METTL8: variants seen among roughly 807,000 people sequenced by gnomAD.
The protein encoded by METTL8 is methyltransferase 8, tRNA N3-cytidine, also known as tRNA N(3)-cytidine methyltransferase METTL8, mitochondrial.
In METTL8, 32 loss-of-function variants were observed where a neutral mutation model predicts 48.7. The ratio of observed to expected loss-of-function variants is 0.66; its 90% CI spans 0.50 to 0.88. The LOEUF is 0.88. METTL8 is among the 40% of genes least tolerant of loss of function. METTL8 has a pLI of 0.00. For synonymous variants in METTL8, 136 were observed against 157.1 expected (o/e 0.87, Z 1.01); for missense variants, 464 against 474.4 (o/e 0.98, Z 0.20).
At chr2:171,414,672 G>A (rs1454150083) in intron 1 of METTL8, 2 of 151,352 alleles carry the variant, frequency 1.3e-5, no homozygotes, top group Non-Finnish European at 2.9e-5. Flanking sequence ...AAACTGCAGT[G>A]AGCCATAATT....
intron 1 of METTL8, among the ~76,000 whole-genome samples, chr2:171,397,311 A>T (rs1165195436): frequency 7.6e-6 from 1 of 131,728 alleles, no homozygotes; most frequent in African/African-American, 2.7e-5. Context: ...TGAGGCCAAG[A>T]CTTTGAGACT....
At chr2:171,326,240 G>C (rs886410776) in intron 7 of METTL8, 92 bp from the exon 8 acceptor site, 14 of 655,226 alleles carry the variant, frequency 2.1e-5, no homozygotes, top group African/African-American at 3.8e-5. Context: ...AATAAGAAAA[G>C]CTTGATAAGG....
chr2:171,344,529 C>G (rs1177238615), intron 3 of METTL8, among the ~76,000 whole-genome samples: 1 of 152,144 alleles, frequency 6.6e-6, no homozygotes, highest in Non-Finnish European at 1.5e-5. Context: ...AAAAATAATG[C>G]TGATTGGAGT....
chr2:171,351,544 T>TAC (rs1032497545), intron 3 of METTL8, among the ~76,000 whole-genome samples: 3 of 152,226 alleles, frequency 2.0e-5, no homozygotes, highest in Non-Finnish European at 2.9e-5. Context: ...ATCTATAAAT[T>TAC]ACCTTGGGCA....
At chr2:171,418,945 A>C (rs1359874411) in intron 1 of METTL8, among the ~76,000 whole-genome samples, 1 of 151,874 alleles carries the variant, frequency 6.6e-6, no homozygotes, top group African/African-American at 2.4e-5. Flanking sequence ...ACTATACTCC[A>C]GTATAAGTAT....
At chr2:171,380,333 T>G (rs1687388323) in intron 2 of METTL8, among the ~76,000 whole-genome samples, 1 of 152,168 alleles carries the variant, frequency 6.6e-6, no homozygotes, top group Non-Finnish European at 1.5e-5. Context: ...CTTTGAAAAC[T>G]GGCATAAGAC....
intron 6 of METTL8, among the ~76,000 whole-genome samples, 165 bp from the exon 7 acceptor site, chr2:171,330,863 C>T (rs1467012248): frequency 6.6e-6 from 1 of 151,980 alleles, no homozygotes; most frequent in African/African-American, 2.4e-5. Flanking sequence ...TTATTTCAAG[C>T]TGCCCTAAAA....
intron 1 of METTL8, among the ~76,000 whole-genome samples, chr2:171,405,190 A>G (rs547484611): frequency 2.6e-5 from 4 of 152,200 alleles, no homozygotes; most frequent in Admixed American, 1.3e-4. Context: ...GATAGCCCCA[A>G]TAGGTACTTA....
At chr2:171,418,145 G>C (rs1275208351) in intron 1 of METTL8, among the ~76,000 whole-genome samples, 2 of 152,072 alleles carry the variant, frequency 1.3e-5, no homozygotes, top group East Asian at 3.9e-4. Context: ...GGGTGTCACT[G>C]TGTTAGCCAG....
rs766708496 is a variant in METTL8 at position 171,339,461 on chromosome 2, T to C, written c.329A>G (p.Glu110Gly). The C allele has an allele frequency of 1.9e-6, 3 of 1,613,666 alleles. No homozygotes were observed. In the South Asian group the frequency reaches 3.3e-5, roughly 18 times the overall value. The change falls in exon 4 of 10, where the codon GAA (glutamate) becomes GGA (glycine). Residue 110 changes from glutamate (E) to glycine (G), a missense_variant. Physicochemically the swap from Glu to Gly is moderately conservative, Grantham distance 98 (BLOSUM62 -2). Coordinates refer to ENST00000375258, the MANE Select transcript of METTL8 (RefSeq NM_001321154.2). The part of the protein sequence containing the change: ...FFKDRNWLLR[E>G]FPEILPVDQK... ...ATCAACTGGAAGAATTTCAGGAAAT[T>C]CCCTCAACAGCCAATTACGATCCTT...
At chr2:171,391,903 C>CT in intron 2 of METTL8, 140 bp downstream of exon 2, 1 of 751,424 alleles carries the variant, frequency 1.3e-6, no homozygotes. Context: ...AAGTCAGGAT[C>CT]GGTTACCCTA....
chr2:171,390,793 CTG>C (rs984031056), intron 2 of METTL8, among the ~76,000 whole-genome samples: 1 of 152,148 alleles, frequency 6.6e-6, no homozygotes, highest in African/African-American at 2.4e-5. Context: ...AGTGTGAACA[CTG>C]TGGAAATCAC....
chr2:171,420,337 TAG>T (rs1308715228), intron 1 of METTL8, among the ~76,000 whole-genome samples: 3 of 152,110 alleles, frequency 2.0e-5, no homozygotes, highest in African/African-American at 7.2e-5. Flanking sequence ...GTCTTTTCAG[TAG>T]AGAGTGGCAT....
At chr2:171,418,392 T>C (rs1265793428) in intron 1 of METTL8, among the ~76,000 whole-genome samples, 2 of 152,184 alleles carry the variant, frequency 1.3e-5, no homozygotes, top group African/African-American at 4.8e-5. Context: ...TTACATAGTG[T>C]ACTCTTTGGA....
upstream of METTL8, chr2:171,434,345 T>C (rs1313776217): frequency 2.7e-6 from 2 of 739,104 alleles, no homozygotes; most frequent in African/African-American, 3.5e-5. Context: ...CTGGGGCAGA[T>C]CGAAAAGGGA....
chr2:171,333,025 AATTTATTTAGCTAAATAAATATGC>A (rs1685702323), intron 5 of METTL8, among the ~76,000 whole-genome samples: 1 of 131,678 alleles, frequency 7.6e-6, no homozygotes, highest in Non-Finnish European at 1.6e-5. Flanking sequence ...ATAAATATGG[AATTTATTTAGCTAAATAAATATGC>A]ATTTAGCAAA....
At chr2:171,423,324 G>A (rs1574239958) in intron 1 of METTL8, among the ~76,000 whole-genome samples, 1 of 152,270 alleles carries the variant, frequency 6.6e-6, no homozygotes, top group Non-Finnish European at 1.5e-5. Flanking sequence ...CTGCTGTAAA[G>A]ATACCCAAAA....
chr2:171,407,222 G>T (rs576425195), intron 1 of METTL8, among the ~76,000 whole-genome samples: 6 of 152,142 alleles, frequency 3.9e-5, no homozygotes, highest in African/African-American at 1.4e-4. Flanking sequence ...GAAACAAGGG[G>T]AGGGACCCAG....
chr2:171,339,536 G>A lies in METTL8; in HGVS notation c.254C>T (p.Ala85Val), dbSNP rs770799744. ...GTAAAATGTGTCCCAGTATTTACTAGCTTCTCTCTCATACTTAACTAAAAT... is the reference window on the plus strand; with the variant it reads ...GTAAAATGTGTCCCAGTATTTACTAACTTCTCTCTCATACTTAACTAAAAT... ...LEEQVKYEREASKYWDTFYKI... is the reference protein window; with the variant it reads ...LEEQVKYEREVSKYWDTFYKI... The change falls in exon 4 of 10, where the codon GCT (alanine) becomes GTT (valine). Residue 85 changes from alanine to valine, a missense_variant. By Grantham distance (64) the Ala-to-Val change is moderately conservative. Coordinates refer to ENST00000375258, the MANE Select transcript of METTL8 (RefSeq NM_001321154.2). 2 of 1,549,752 alleles carry A rather than the reference G, an allele frequency of 1.3e-6. No homozygotes were observed. Among genetic ancestry groups the A allele is most frequent in the Non-Finnish European group, 1.8e-6 (2 of 1,131,462 alleles).
Sources: gnomAD v4.1 joint callset for allele counts (sites outside exome capture counted in the v4.1 genomes callset) on GRCh38, gnomAD v4.1.1 for gene constraint, MANE v1.5 for transcripts, NCBI Gene and HGNC (gene_info 2026-07-23, HGNC 2026-07-21) for gene names.